Variants in EZH2 observed in about 807,000 individuals in gnomAD.
EZH2 encodes enhancer of zeste 2 polycomb repressive complex 2 subunit.
A neutral mutation model predicts 98.4 loss-of-function variants in EZH2; 18 were observed. The ratio of observed to expected loss-of-function variants is 0.18; its 90% CI spans 0.13 to 0.27. The LOEUF (loss-of-function observed/expected upper bound fraction) is 0.27. Ranked by LOEUF, EZH2 falls within the 10% of genes least tolerant of loss-of-function variation. EZH2 has a pLI of 1.00. For synonymous variants in EZH2, 338 were observed against 312.3 expected (o/e 1.08, Z -0.87); for missense variants, 470 against 935.1 (o/e 0.50, Z 6.49).
chr7:148,874,562 A>G (rs1785757532), intron 1 of EZH2, among the ~76,000 whole-genome samples: 2 of 152,200 alleles, frequency 1.3e-5, no homozygotes, highest in Admixed American at 1.3e-4. Context: ...GGTGGTAAAC[A>G]ACACCCAATG....
chr7:148,819,782 T>C (rs960522137), intron 8 of EZH2, 95 bp from the exon 9 acceptor site: 1 of 1,050,272 alleles, frequency 9.5e-7, no homozygotes, highest in Non-Finnish European at 1.4e-6. Context: ...TAATGGATTA[T>C]AATCTTGCTA....
intron 1 of EZH2, among the ~76,000 whole-genome samples, chr7:148,878,370 T>G (rs1284798497): frequency 6.6e-6 from 1 of 152,222 alleles, no homozygotes; most frequent in African/African-American, 2.4e-5. Context: ...CAATTTTGTA[T>G]TTTTGTACAA....
chr7:148,848,462 G>A (rs554043470), intron 1 of EZH2, among the ~76,000 whole-genome samples: 1 of 152,278 alleles, frequency 6.6e-6, no homozygotes, highest in African/African-American at 2.4e-5. Context: ...AATGAGTAGG[G>A]CAGGCTTCAT....
At chr7:148,856,373 A>G (rs1267374438) in intron 1 of EZH2, among the ~76,000 whole-genome samples, 1 of 152,254 alleles carries the variant, frequency 6.6e-6, no homozygotes, top group Non-Finnish European at 1.5e-5. Context: ...AGATATATCA[A>G]TATGAACTCA....
chr7:148,874,137 G>C (rs904888343), intron 1 of EZH2, among the ~76,000 whole-genome samples: 2 of 152,194 alleles, frequency 1.3e-5, no homozygotes, highest in African/African-American at 4.8e-5. Context: ...TGTAATCCCA[G>C]CACTTTGGGA....
intron 14 of EZH2, 46 bp downstream of exon 14, chr7:148,814,868 A>G: frequency 6.3e-7 from 1 of 1,587,644 alleles, no homozygotes; most frequent in Non-Finnish European, 8.6e-7. Flanking sequence ...CTAACCAAAG[A>G]CCTATTTAGT....
Position 148,811,727 on chromosome 7 carries a change from A to G in EZH2, c.1852-7T>C, listed in dbSNP as rs1316573102. ...ATGGTGCCAGCAATAGATGCTAGAG[A>G]ATAAAACACAATCACATCATCAAAA... On this transcript the variant is annotated splice_polypyrimidine_tract_variant and splice_region_variant and intron_variant, in intron 15 of 19. Transcript: ENST00000320356. The G allele has an allele frequency of 1.2e-6, 2 of 1,608,448 alleles. No homozygotes were observed. The highest frequency in any genetic ancestry group is 2.2e-5 in the South Asian group (2 of 91,024).
chr7:148,824,033 G>A (rs891121346), intron 8 of EZH2, among the ~76,000 whole-genome samples: 19 of 152,010 alleles, frequency 1.2e-4, no homozygotes, highest in Non-Finnish European at 2.4e-4. Context: ...ACATAAAATC[G>A]ACCAGGCGTG....
At chr7:148,830,850 TATAG>T (rs1248872246) in intron 4 of EZH2, among the ~76,000 whole-genome samples, 6 of 152,186 alleles carry the variant, frequency 3.9e-5, no homozygotes, top group Non-Finnish European at 7.3e-5. Flanking sequence ...TGACAGCAGT[TATAG>T]ATAAAGACTG....
chr7:148,808,480 T>C (rs913086871), intron 19 of EZH2, among the ~76,000 whole-genome samples: 1 of 152,234 alleles, frequency 6.6e-6, no homozygotes, highest in African/African-American at 2.4e-5. Context: ...AATGGCTGAC[T>C]TAAATGTATC....
At chr7:148,869,526 T>C (rs1819019424) in intron 1 of EZH2, among the ~76,000 whole-genome samples, 1 of 151,894 alleles carries the variant, frequency 6.6e-6, no homozygotes, top group Non-Finnish European at 1.5e-5. Flanking sequence ...TTTGTAGAAA[T>C]GGGGCCTCAC....
chr7:148,881,951 TAC>T lies in EZH2; in HGVS notation c.-8+2211_-8+2212del, dbSNP rs199896683. Among the ~76,000 whole-genome samples the T allele has an allele frequency of 5.2e-3, 575 of 109,796 alleles. 4 individuals are homozygous for T. The highest frequency in any genetic ancestry group is 6.4e-3 in the Admixed American group (62 of 9,614). 72.0% of individuals were successfully genotyped at this position (109,796 alleles called of 152,430 possible). A position where few individuals can be genotyped will look rare whatever the true frequency, so the allele number is the denominator to read the frequency against. ...TCTGTCTCAAAAAAAAAAAAACATA[TAC>T]ACACACACACACGCGCGCGCACACA... On this transcript the variant is annotated intron_variant, in intron 1 of 19. Transcript: ENST00000320356.
At chr7:148,837,814 G>A (rs777546819) in intron 3 of EZH2, among the ~76,000 whole-genome samples, 9 of 152,226 alleles carry the variant, frequency 5.9e-5, no homozygotes, top group Non-Finnish European at 1.3e-4. Flanking sequence ...CTAATCAAGT[G>A]TTGGAGTTAA....
At chr7:148,860,740 C>CAGCCTGTGCACT (rs1414797146) in intron 1 of EZH2, among the ~76,000 whole-genome samples, 3 of 152,174 alleles carry the variant, frequency 2.0e-5, no homozygotes, top group Admixed American at 1.3e-4. Context: ...GGCGCAATCA[C>CAGCCTGTGCACT]GGCTCACTAC....
chr7:148,834,352 T>TATATATACACACAC (rs1321608007), intron 3 of EZH2, among the ~76,000 whole-genome samples: 1 of 143,320 alleles, frequency 7.0e-6, no homozygotes, highest in African/African-American at 2.6e-5. Flanking sequence ...TATATATATA[T>TATATATACACACAC]ACACACACAC....
At chr7:148,832,794 A>C in intron 3 of EZH2, 44 bp from the exon 4 acceptor site, 1 of 1,237,166 alleles carries the variant, frequency 8.1e-7, no homozygotes. Flanking sequence ...ATAAAAGGAC[A>C]ACCTTAAGCT....
chr7:148,851,185 C>CA (rs1815666721), intron 1 of EZH2, among the ~76,000 whole-genome samples: 1 of 151,948 alleles, frequency 6.6e-6, no homozygotes. Context: ...ATGCTTGAGC[C>CA]AAAAAATGAG....
intron 15 of EZH2, chr7:148,811,969 T>C: frequency 2.2e-6 from 1 of 456,088 alleles, no homozygotes; most frequent in East Asian, 3.6e-5. Flanking sequence ...GTGTTGGTCC[T>C]CTGCAATGAC....
intron 9 of EZH2, among the ~76,000 whole-genome samples, chr7:148,819,272 T>A (rs895780749): frequency 3.9e-5 from 6 of 152,212 alleles, no homozygotes; most frequent in Non-Finnish European, 7.3e-5. Context: ...GTATGATTAC[T>A]GCATGCCTGC....
Sources: allele counts gnomAD v4.1 joint callset (sites outside exome capture counted in the v4.1 genomes callset), GRCh38; gene constraint gnomAD v4.1.1; transcripts MANE v1.5; gene names NCBI Gene and HGNC (gene_info 2026-07-23, HGNC 2026-07-21).